MYO5A: variants seen among roughly 807,000 people sequenced by gnomAD.
MYO5A encodes unconventional myosin-Va.
Under a neutral mutation model 249.7 loss-of-function variants are expected in MYO5A, and 98 were observed. The ratio of observed to expected loss-of-function variants is 0.39; its 90% CI spans 0.33 to 0.46. The LOEUF is 0.46. Ranked by LOEUF, MYO5A falls within the 20% of genes least tolerant of loss-of-function variation. MYO5A has a pLI of 0.98. For synonymous variants in MYO5A, 778 were observed against 810.6 expected (o/e 0.96, Z 0.68); for missense variants, 1,696 against 2,308.8 (o/e 0.73, Z 5.44).
At chr15:52,314,522 T>C (rs1296299292) in intron 40 of MYO5A, among the ~76,000 whole-genome samples, 1 of 152,240 alleles carries the variant, frequency 6.6e-6, no homozygotes, top group Non-Finnish European at 1.5e-5. Flanking sequence ...GTGGCAATTG[T>C]TAACCATGTC....
At chr15:52,490,722 T>G (rs1291183432) in intron 1 of MYO5A, among the ~76,000 whole-genome samples, 1 of 152,058 alleles carries the variant, frequency 6.6e-6, no homozygotes, top group African/African-American at 2.4e-5. Context: ...TATGTTGTTG[T>G]TGTTGTTGTT....
At chr15:52,382,965 G>A in intron 16 of MYO5A, 126 bp downstream of exon 16, 1 of 790,546 alleles carries the variant, frequency 1.3e-6, no homozygotes, top group Admixed American at 1.9e-5. Context: ...CCCTCTACAA[G>A]GCATGAAGAC....
chr15:52,343,243 G>T (rs769259456), intron 30 of MYO5A, 46 bp from the exon 31 acceptor site: 3 of 1,493,138 alleles, frequency 2.0e-6, no homozygotes, highest in African/African-American at 2.8e-5. Context: ...AAGGATACAG[G>T]ATGCTGATGA....
chr15:52,393,276 T>G (rs954225178), intron 11 of MYO5A, among the ~76,000 whole-genome samples: 3 of 152,232 alleles, frequency 2.0e-5, no homozygotes, highest in Non-Finnish European at 4.4e-5. Flanking sequence ...CCATGCCCTG[T>G]GAAACTTACG....
At chr15:52,338,930 T>G (rs1435029950) in intron 32 of MYO5A, among the ~76,000 whole-genome samples, 1 of 152,334 alleles carries the variant, frequency 6.6e-6, no homozygotes, top group Non-Finnish European at 1.5e-5. Flanking sequence ...TTCAGTATAT[T>G]TGGTAATACT....
At chr15:52,469,366 G>C (rs910004566) in intron 1 of MYO5A, among the ~76,000 whole-genome samples, 2 of 152,126 alleles carry the variant, frequency 1.3e-5, no homozygotes, top group African/African-American at 4.8e-5. Context: ...AAGTAAGCTA[G>C]AGAAAAGAAA....
intron 1 of MYO5A, among the ~76,000 whole-genome samples, chr15:52,500,239 A>C (rs536154076): frequency 4.1e-4 from 62 of 152,164 alleles, no homozygotes; most frequent in Non-Finnish European, 4.7e-4. Flanking sequence ...ATTGTAGGCT[A>C]GATTTGCATT....
chr15:52,495,600 G>C (rs1208134537), intron 1 of MYO5A, among the ~76,000 whole-genome samples: 1 of 151,998 alleles, frequency 6.6e-6, no homozygotes, highest in East Asian at 1.9e-4. Flanking sequence ...GCTTGATTTA[G>C]GTATTCCATA....
rs2037669600 is a variant in MYO5A at position 52,307,953 on chromosome 15, G to A, written c.*5743C>T. The A allele has an allele frequency of 1.3e-5, 2 of 152,016 alleles. No homozygotes were observed. Among genetic ancestry groups the A allele is most frequent in the African/African-American group, 4.8e-5 (2 of 41,390 alleles). 9.4% of individuals were successfully genotyped at this position (152,016 alleles called of 1,614,324 possible). A position where few individuals can be genotyped will look rare whatever the true frequency, so the allele number is the denominator to read the frequency against. ...TTAAAGAAAAAATTCACCATTTGTT[G>A]GGAAAAAATAATGGCTCAAATGATT... On this transcript the variant is annotated 3_prime_UTR_variant, in exon 42 of 42. Coordinates refer to ENST00000399233, the MANE Select transcript of MYO5A (RefSeq NM_001382347.1).
At chr15:52,358,291 G>A (rs1344594440) in intron 25 of MYO5A, among the ~76,000 whole-genome samples, 1 of 152,188 alleles carries the variant, frequency 6.6e-6, no homozygotes, top group African/African-American at 2.4e-5. Context: ...TGGGCAGCTT[G>A]TAAATGTACT....
rs1321540544 is a variant in MYO5A, at chr15:52,518,858, T to C, written c.27+9922A>G. 2.6e-5 allele frequency among the ~76,000 whole-genome samples: 4 copies of C among 152,334 alleles called. No individual in the cohort carries two copies. The South Asian group carries it at 8.3e-4, about 32-fold the overall frequency. Reference sequence around the variant, plus strand: ...ATAAAAAATGACTTCCTTTGTGATGTCAGATCAGGGAGTGGTAATAAAGCA... The same window carrying C: ...ATAAAAAATGACTTCCTTTGTGATGCCAGATCAGGGAGTGGTAATAAAGCA... On this transcript the variant is annotated intron_variant, in intron 1 of 41. Transcript: ENST00000399233.
intron 2 of MYO5A, among the ~76,000 whole-genome samples, chr15:52,429,795 G>A (rs763667981): frequency 6.6e-6 from 1 of 152,138 alleles, no homozygotes; most frequent in African/African-American, 2.4e-5. Flanking sequence ...ATAGAGATGG[G>A]GGTCTCACTA....
At chr15:52,422,976 C>T (rs1290406123) in intron 4 of MYO5A, among the ~76,000 whole-genome samples, 1 of 152,094 alleles carries the variant, frequency 6.6e-6, no homozygotes, top group Non-Finnish European at 1.5e-5. Flanking sequence ...TCCTGAACTC[C>T]GAGGCTTAAG....
intron 16 of MYO5A, among the ~76,000 whole-genome samples, chr15:52,382,594 A>C (rs1381609610): frequency 1.3e-5 from 2 of 152,204 alleles, no homozygotes; most frequent in South Asian, 2.1e-4. Flanking sequence ...TACATACATA[A>C]AATTAGAAAA....
chr15:52,464,198 T>C (rs913301812), intron 1 of MYO5A, among the ~76,000 whole-genome samples: 3 of 152,144 alleles, frequency 2.0e-5, no homozygotes, highest in African/African-American at 7.2e-5. Flanking sequence ...CCGATTCAGG[T>C]ACCTCATTGT....
chr15:52,440,401 G>A (rs532068367), intron 1 of MYO5A, among the ~76,000 whole-genome samples: 6 of 152,202 alleles, frequency 3.9e-5, no homozygotes, highest in Non-Finnish European at 8.8e-5. Flanking sequence ...CCAAGTAGCC[G>A]AGATTACAGG....
At position 52,336,520 on chromosome 15, in the gene MYO5A, C is replaced by A. The variant is rs1341773336; in HGVS notation, c.4351G>T (p.Val1451Phe). 1.9e-6 allele frequency: 3 copies of A among 1,608,260 alleles called. No homozygotes were observed. Among genetic ancestry groups the A allele is most frequent in the Non-Finnish European group, 2.5e-6 (3 of 1,176,582 alleles). The stretch of plus-strand genomic sequence containing the variant: ...TTCAGTTGTTTTTTCAGTTTACGGA[C>A]CGTCTTATCCTGTTTTTCAAGTTGT... ...MEQLEKQDKT[V>F]RKLKKQLKVF... The change falls in exon 34 of 42, where the codon GTC (valine) becomes TTC (phenylalanine). Residue 1451 changes from valine (V) to phenylalanine (F), a missense_variant. Val to Phe is a conservative substitution (Grantham distance 50, BLOSUM62 -1). This residue lies in a region of MYO5A where 625 missense variants were observed against 908.1 expected (regional missense o/e 0.69). Transcript: ENST00000399233.
In MYO5A at chr15:52,333,700, A is replaced by T. The variant is rs549856154; in HGVS notation, c.4408+2763T>A. ...AATTATATATGCTAGCATTTTTTTT[A>T]AAAGTCTGTTGGCTTTTTAAAAAGC... is the stretch of plus-strand genomic sequence containing the variant. On this transcript the variant is annotated intron_variant, in intron 34 of 41. Coordinates refer to ENST00000399233, the MANE Select transcript of MYO5A (RefSeq NM_001382347.1). 2.9e-3 allele frequency among the ~76,000 whole-genome samples: 448 copies of T among 152,252 alleles called. 1 individual carries two copies. The highest frequency in any genetic ancestry group is 5.3e-3 in the Non-Finnish European group (358 of 68,014).
Position 52,354,329 on chromosome 15 carries a change from G to A in MYO5A, c.3424-315C>T, listed in dbSNP as rs68155341. Among the ~76,000 whole-genome samples, 22,856 of 152,078 alleles carry A rather than the reference G, an allele frequency of 0.15. 1,821 individuals carry two copies. The highest frequency in any genetic ancestry group is 0.22 in the Middle Eastern group (65 of 294). On this transcript the variant is annotated intron_variant, in intron 25 of 41. Coordinates refer to ENST00000399233, the MANE Select transcript of MYO5A (RefSeq NM_001382347.1). ...GGCCTTTGAAACGGGCAATTTTGCC[G>A]AACTTACTAAAATTTAAATGTGCAT...
Sources: allele counts gnomAD v4.1 joint callset (sites outside exome capture counted in the v4.1 genomes callset), GRCh38; gene constraint gnomAD v4.1.1; regional missense constraint gnomAD v4.1.1; transcripts MANE v1.5; gene names NCBI Gene and HGNC (gene_info 2026-07-23, HGNC 2026-07-21).